Variants in LUC7L3 observed in about 807,000 individuals in gnomAD.
LUC7L3 encodes the protein luc7-like protein 3.
LUC7L3 carries 6 observed loss-of-function variants against 66.8 expected under a neutral mutation model. The ratio of observed to expected loss-of-function variants is 0.09; its 90% CI spans 0.05 to 0.18. LUC7L3 has a LOEUF of 0.18. Among genes scored for constraint, LUC7L3 ranks in the 10% least tolerant of loss-of-function variants. The pLI is 1.00. For missense variants in LUC7L3, 341 were observed against 531.1 expected, an observed-to-expected ratio of 0.64 and a Z score of 3.52; for synonymous variants, 160 against 174.7, an observed-to-expected ratio of 0.92 and a Z score of 0.66.
At chr17:50,749,107 G>C (rs908239721) in intron 9 of LUC7L3, 9 of 708,068 alleles carry the variant, frequency 1.3e-5, no homozygotes, top group Non-Finnish European at 1.9e-5. Context: ...TCAGCAACCA[G>C]TGTAAGGTGC....
At chr17:50,735,327 C>T (rs575620713) in intron 1 of LUC7L3, among the ~76,000 whole-genome samples, 13 of 151,938 alleles carry the variant, frequency 8.6e-5, no homozygotes, top group African/African-American at 2.9e-4. Context: ...CTGGATGCAG[C>T]TTATGGAACC....
At chr17:50,737,105 C>T in intron 2 of LUC7L3, 79 bp downstream of exon 2, 1 of 974,406 alleles carries the variant, frequency 1.0e-6, no homozygotes, top group Middle Eastern at 2.3e-4. Context: ...AGGAAAAAAA[C>T]TGATTATAAT....
rs1968601797 is a variant in LUC7L3 at position 50,719,622 on chromosome 17, G to A, written c.-111G>A. ...CATTTTGTCTTGTCGGCTCCTGTGT[G>A]TAGGAGGGATTTCGGCCTGAGAGCG... On this transcript the variant is annotated 5_prime_UTR_variant, in exon 1 of 10. Coordinates refer to ENST00000505658, the MANE Select transcript of LUC7L3 (RefSeq NM_016424.5). 2 of 869,942 alleles carry A rather than the reference G, an allele frequency of 2.3e-6. No individual in the cohort carries two copies. The highest frequency in any genetic ancestry group is 1.8e-6 in the Non-Finnish European group (1 of 545,804). 53.9% of individuals were successfully genotyped at this position (869,942 alleles called of 1,614,324 possible).
chr17:50,755,158 G>T lies in LUC7L3; in HGVS notation c.*4497G>T, dbSNP rs563508823. ...ACCCCAGGTCTACTTTTGAAATTTT[G>T]TATTATAATTGTAATGTTGCCCATG... On this transcript the variant is annotated 3_prime_UTR_variant, in exon 10 of 10. Coordinates refer to ENST00000505658, the MANE Select transcript of LUC7L3 (RefSeq NM_016424.5). 1 of 151,788 alleles carries T rather than the reference G, an allele frequency of 6.6e-6. No homozygotes were observed. Among genetic ancestry groups the T allele is most frequent in the South Asian group, 2.1e-4 (1 of 4,812 alleles). The allele number at this position is 151,788 out of a possible 1,614,324, so 9.4% of individuals were successfully genotyped here. A position where few individuals can be genotyped will look rare whatever the true frequency, so the allele number is the denominator to read the frequency against.
intron 5 of LUC7L3, 161 bp from the exon 6 acceptor site, chr17:50,743,545 G>T (rs1970483341): frequency 3.5e-6 from 2 of 567,996 alleles, no homozygotes; most frequent in Admixed American, 6.5e-5. Context: ...ATACTTTATT[G>T]AAGTATAAAA....
At position 50,755,953 on chromosome 17, in the gene LUC7L3, A is replaced by T. The variant is rs1971102325; in HGVS notation, c.*5292A>T. On this transcript the variant is annotated 3_prime_UTR_variant, in exon 10 of 10. Coordinates refer to ENST00000505658, the MANE Select transcript of LUC7L3 (RefSeq NM_016424.5). ...AGAAGGATCAAAAAAAGCAAGTCAC[A>T]GAAGAATACATCACTATGGTTCCAT... The T allele has an allele frequency of 6.6e-6, 1 of 152,248 alleles. No homozygotes were observed. The highest frequency in any genetic ancestry group is 2.4e-5 in the African/African-American group (1 of 41,458). 9.4% of individuals were successfully genotyped at this position (152,248 alleles called of 1,614,324 possible).
intron 9 of LUC7L3, among the ~76,000 whole-genome samples, chr17:50,746,984 G>T (rs956127961): frequency 2.0e-5 from 3 of 151,372 alleles, no homozygotes; most frequent in Middle Eastern, 3.4e-3. Context: ...ACCTTTCGGG[G>T]TTATTAGGTG....
Position 50,750,508 on chromosome 17 carries a change from G to T in LUC7L3, c.1146G>T (p.Arg382Ser), listed in dbSNP as rs761860115. The change falls in exon 10 of 10, where the codon AGG (arginine) becomes AGT (serine). Residue 382 changes from arginine (R) to serine (S), a missense_variant. By Grantham distance (110) the Arg-to-Ser change is moderately radical (BLOSUM62 -1). Coordinates refer to ENST00000505658, the MANE Select transcript of LUC7L3 (RefSeq NM_016424.5). ...QDRKSKEKEK[R>S]GSDDKKSSVK... Reference sequence around the variant, plus strand: ...TGTCTTCTTTTATGGCAGAAAAGAGGGGATCTGATGATAAAAAAAGTAGTG... The same window carrying T: ...TGTCTTCTTTTATGGCAGAAAAGAGTGGATCTGATGATAAAAAAAGTAGTG... 6.2e-7 allele frequency: 1 copy of T among 1,612,122 alleles called. No individual in the cohort carries two copies. The highest frequency in any genetic ancestry group is 1.3e-5 in the African/African-American group (1 of 74,790).
rs952611264 is a variant in LUC7L3 at position 50,752,822 on chromosome 17, T to A, written c.*2161T>A. ...AATTTTTATAGACTTTCTAATGTTTTAAATAATGGTGCTTCAATTTTAGGT... is the reference window on the plus strand; with the variant it reads ...AATTTTTATAGACTTTCTAATGTTTAAAATAATGGTGCTTCAATTTTAGGT... On this transcript the variant is annotated 3_prime_UTR_variant, in exon 10 of 10. Transcript: ENST00000505658. The A allele has an allele frequency of 6.6e-6, 1 of 152,218 alleles. No individual in the cohort carries two copies. Among genetic ancestry groups the A allele is most frequent in the African/African-American group, 2.4e-5 (1 of 41,464 alleles). The allele number at this position is 152,218 out of a possible 1,614,324, so 9.4% of individuals were successfully genotyped here. A position where few individuals can be genotyped will look rare whatever the true frequency, so the allele number is the denominator to read the frequency against.
chr17:50,737,788 G>A (rs1293984627), intron 2 of LUC7L3, among the ~76,000 whole-genome samples: 1 of 152,118 alleles, frequency 6.6e-6, no homozygotes, highest in Non-Finnish European at 1.5e-5. Context: ...TAGACCCCAG[G>A]AGAAGAGAGG....
At position 50,755,541 on chromosome 17, in the gene LUC7L3, A is replaced by G. The variant is rs1300891320; in HGVS notation, c.*4880A>G. 2.6e-5 allele frequency: 4 copies of G among 152,216 alleles called. No individual in the cohort carries two copies. Among genetic ancestry groups the G allele is most frequent in the Admixed American group, 2.0e-4 (3 of 15,274 alleles). 9.4% of individuals were successfully genotyped at this position (152,216 alleles called of 1,614,324 possible). A position where few individuals can be genotyped will look rare whatever the true frequency, so the allele number is the denominator to read the frequency against. On this transcript the variant is annotated 3_prime_UTR_variant, in exon 10 of 10. Transcript: ENST00000505658. ...GTTGTATCAGAATTTTGAATTTACTATTTTAAAAATTCAAGAGTTTTGTAG... is the reference window on the plus strand; with the variant it reads ...GTTGTATCAGAATTTTGAATTTACTGTTTTAAAAATTCAAGAGTTTTGTAG...
At chr17:50,742,219 A>T (rs1483441690) in intron 5 of LUC7L3, among the ~76,000 whole-genome samples, 1 of 152,248 alleles carries the variant, frequency 6.6e-6, no homozygotes, top group African/African-American at 2.4e-5. Flanking sequence ...GAGAATAGCT[A>T]AAATTAAACT....
chr17:50,740,150 T>C, intron 2 of LUC7L3, 156 bp from the exon 3 acceptor site: 2 of 597,742 alleles, frequency 3.3e-6, no homozygotes, highest in South Asian at 4.3e-5. Context: ...GTTATGATGC[T>C]TCATGATTTA....
intron 2 of LUC7L3, 125 bp from the exon 3 acceptor site, chr17:50,740,181 T>C: frequency 1.4e-6 from 1 of 710,038 alleles, no homozygotes. Flanking sequence ...TTTAGATGTC[T>C]ACAAACTACT....
intron 2 of LUC7L3, among the ~76,000 whole-genome samples, chr17:50,737,809 G>A (rs1970071801): frequency 6.6e-6 from 1 of 152,012 alleles, no homozygotes; most frequent in Admixed American, 6.6e-5. Flanking sequence ...GTTATTTTCT[G>A]GAGAAATTGG....
chr17:50,723,064 T>A (rs541955729), intron 1 of LUC7L3: 3 of 152,364 alleles, frequency 2.0e-5, no homozygotes, highest in Admixed American at 1.3e-4. Flanking sequence ...ATTTCAGTGT[T>A]AGCCAGAGAA....
rs1567883295 is a variant in LUC7L3 at position 50,752,718 on chromosome 17, C to T, written c.*2057C>T. On this transcript the variant is annotated 3_prime_UTR_variant, in exon 10 of 10. Coordinates refer to ENST00000505658, the MANE Select transcript of LUC7L3 (RefSeq NM_016424.5). The stretch of plus-strand genomic sequence containing the variant: ...TAAAGTTATTGACTCTGAACTAGTC[C>T]CCTGTTTTAAATACAAGAGTTACAC... 1 of 152,066 alleles carries T rather than the reference C, an allele frequency of 6.6e-6. No homozygotes were observed. The allele number at this position is 152,066 out of a possible 1,614,324, so 9.4% of individuals were successfully genotyped here. A position where few individuals can be genotyped will look rare whatever the true frequency, so the allele number is the denominator to read the frequency against.
rs527828863 is a variant in LUC7L3 at position 50,745,995 on chromosome 17, G to A, written c.969G>A (p.Arg323=). 6.3e-7 allele frequency: 1 copy of A among 1,598,814 alleles called. No homozygotes were observed. Among genetic ancestry groups the A allele is most frequent in the Non-Finnish European group, 8.5e-7 (1 of 1,176,136 alleles). ...AAAGGTCACGAAGTAGAGAAAGAAG[G>A]CGGAGCAGGTATATATAAAACACCC... The part of the protein sequence containing the change: ...DHKRSRSRER[R]RSRSRDRRRS... Residue 323 remains arginine (R), a synonymous_variant, in exon 8 of 10, where the codon AGG becomes AGA. Transcript: ENST00000505658.
chr17:50,725,943 G>C (rs1969151943), intron 1 of LUC7L3, among the ~76,000 whole-genome samples: 1 of 152,156 alleles, frequency 6.6e-6, no homozygotes, highest in South Asian at 2.1e-4. Flanking sequence ...ATTAACTATA[G>C]TACATACTGT....
Sources: allele counts gnomAD v4.1 joint callset (sites outside exome capture counted in the v4.1 genomes callset), GRCh38; gene constraint gnomAD v4.1.1; transcripts MANE v1.5; gene names NCBI Gene and HGNC (gene_info 2026-07-23, HGNC 2026-07-21).